The following SLC16A14 variants were observed in gnomAD, a reference collection of about 807,000 sequenced individuals.
SLC16A14 encodes monocarboxylate transporter 14.
A neutral mutation model predicts 35.8 loss-of-function variants in SLC16A14; 14 were observed. That is an observed-to-expected ratio of 0.39 (90% CI 0.26 to 0.61). The LOEUF is 0.61. SLC16A14 is among the 20% of genes least tolerant of loss of function. The probability of loss-of-function intolerance (pLI) is 0.51; values close to 1 mark genes in which losing one functional copy is unlikely to be tolerated. For missense variants in SLC16A14, 533 were observed against 655.0 expected, an observed-to-expected ratio of 0.81 and a Z score of 2.03; for synonymous variants, 248 against 258.9, an observed-to-expected ratio of 0.96 and a Z score of 0.40.
At chr2:230,049,721 A>C (rs768527133) in intron 3 of SLC16A14, 40 bp downstream of exon 3, 1 of 1,601,470 alleles carries the variant, frequency 6.2e-7, no homozygotes, top group Non-Finnish European at 8.5e-7. Context: ...ATGTCTTATA[A>C]AACATTTAAA....
chr2:230,049,096 G>A (rs946137894), intron 3 of SLC16A14, among the ~76,000 whole-genome samples: 1 of 138,912 alleles, frequency 7.2e-6, no homozygotes, highest in Admixed American at 7.1e-5. Flanking sequence ...TTGAGACAGA[G>A]TCTTACTCTG....
rs1188538259 is a variant in SLC16A14, at chr2:230,035,006, G to C, written c.*2374C>G. 6.6e-6 allele frequency: 1 copy of C among 152,142 alleles called. No homozygotes were observed. Among genetic ancestry groups the C allele is most frequent in the African/African-American group, 2.4e-5 (1 of 41,428 alleles). The allele number at this position is 152,142 out of a possible 1,614,324, so 9.4% of individuals were successfully genotyped here. On this transcript the variant is annotated 3_prime_UTR_variant, in exon 5 of 5. Transcript: ENST00000295190. The stretch of plus-strand genomic sequence containing the variant: ...CTTCAAAGAGGACAACATTTATTTA[G>C]TTGTATGTAAATAAAAATTACTTGG...
chr2:230,050,704 T>C (rs2077653409), intron 2 of SLC16A14, among the ~76,000 whole-genome samples: 1 of 152,256 alleles, frequency 6.6e-6, no homozygotes, highest in Non-Finnish European at 1.5e-5. Flanking sequence ...TAAGCTTATA[T>C]GTTTTACATA....
At chr2:230,057,830 C>G (rs957647677) in intron 2 of SLC16A14, among the ~76,000 whole-genome samples, 4 of 152,058 alleles carry the variant, frequency 2.6e-5, no homozygotes, top group African/African-American at 9.7e-5. Flanking sequence ...AGTTTAAGAC[C>G]AGCCTGGCCA....
At position 230,059,344 on chromosome 2, in the gene SLC16A14, G is replaced by A. The variant is rs953233502; in HGVS notation, c.9C>T (p.Thr3=). ...AATCATACCCAATATCTTCATGACT[G>A]GTATACATTTTCCAAGATTTTTCTG... is the stretch of plus-strand genomic sequence containing the variant. MY[T]SHEDIGYDFE... is the part of the protein sequence containing the mutation. The change falls in exon 2 of 5, where the codon ACC becomes ACT. Residue 3 remains threonine (T), a synonymous_variant. Transcript: ENST00000295190. 2 of 1,555,572 alleles carry A rather than the reference G, an allele frequency of 1.3e-6. No homozygotes were observed. The highest frequency in any genetic ancestry group is 2.8e-5 in the African/African-American group (2 of 72,400).
chr2:230,065,588 A>G lies in SLC16A14; in HGVS notation c.-15+2967T>C, dbSNP rs1426685362. On this transcript the variant is annotated intron_variant, in intron 1 of 4. Coordinates refer to ENST00000295190, the MANE Select transcript of SLC16A14 (RefSeq NM_152527.5). ...TCTTTTGGATCCTCAGGAGGCCCCT[A>G]TAGATCTGCTGAGCAATGGAGTCAG... is the stretch of plus-strand genomic sequence containing the variant. Among the ~76,000 whole-genome samples the G allele has an allele frequency of 2.6e-5, 4 of 152,144 alleles. 1 individual carries two copies. The highest frequency in any genetic ancestry group is 2.9e-5 in the Non-Finnish European group (2 of 68,030).
rs190196833 is a variant in SLC16A14 at position 230,040,154 on chromosome 2, G to A, written c.1382-2623C>T. ...CCATCCCATCCTTCATCTTTACTCT[G>A]CAGAATATAAAAAATGTCTGTTAAG... is the stretch of plus-strand genomic sequence containing the variant. On this transcript the variant is annotated intron_variant, in intron 4 of 4. Coordinates refer to ENST00000295190, the MANE Select transcript of SLC16A14 (RefSeq NM_152527.5). Among the ~76,000 whole-genome samples, 478 of 151,996 alleles carry A rather than the reference G, an allele frequency of 3.1e-3. 1 individual carries two copies. The highest frequency in any genetic ancestry group is 4.7e-3 in the Non-Finnish European group (319 of 67,996).
chr2:230,042,231 G>T (rs1271763264), intron 4 of SLC16A14, among the ~76,000 whole-genome samples: 1 of 152,168 alleles, frequency 6.6e-6, no homozygotes, highest in African/African-American at 2.4e-5. Flanking sequence ...TCCACCTCTG[G>T]GGAGGAACCT....
At chr2:230,049,401 C>A (rs2077638282) in intron 3 of SLC16A14, among the ~76,000 whole-genome samples, 1 of 152,118 alleles carries the variant, frequency 6.6e-6, no homozygotes, top group Admixed American at 6.6e-5. Flanking sequence ...TTATTTCCCA[C>A]ACCACACTGA....
intron 4 of SLC16A14, among the ~76,000 whole-genome samples, chr2:230,039,786 T>C (rs2077545538): frequency 6.6e-6 from 1 of 152,234 alleles, no homozygotes; most frequent in Non-Finnish European, 1.5e-5. Context: ...AACAAACAGC[T>C]GAACGGCTTG....
At chr2:230,040,207 T>G (rs1170900541) in intron 4 of SLC16A14, among the ~76,000 whole-genome samples, 4 of 146,744 alleles carry the variant, frequency 2.7e-5, no homozygotes, top group African/African-American at 1.0e-4. Context: ...CAGTCTTAAA[T>G]TGAATTCATT....
intron 2 of SLC16A14, among the ~76,000 whole-genome samples, chr2:230,053,748 T>C (rs1317955132): frequency 6.6e-6 from 1 of 152,104 alleles, no homozygotes; most frequent in African/African-American, 2.4e-5. Context: ...ACCACCGCAC[T>C]CCAGCCTGGG....
At chr2:230,062,348 CTTT>C (rs374870184) in intron 1 of SLC16A14, among the ~76,000 whole-genome samples, 5 of 127,664 alleles carry the variant, frequency 3.9e-5, no homozygotes, top group Admixed American at 8.3e-5. Flanking sequence ...TTGTTTTTAC[CTTT>C]TTTTTTTTTT....
chr2:230,038,959 C>T lies in SLC16A14; in HGVS notation c.1382-1428G>A, dbSNP rs748846696. Among the ~76,000 whole-genome samples, 5 of 151,980 alleles carry T rather than the reference C, an allele frequency of 3.3e-5. No individual in the cohort carries two copies. Among genetic ancestry groups the T allele is most frequent in the African/African-American group, 4.8e-5 (2 of 41,390 alleles). On this transcript the variant is annotated intron_variant, in intron 4 of 4. Transcript: ENST00000295190. The surrounding 1 kb of genome is among the most constrained non-coding windows in gnomAD (Gnocchi z 4.4). ...GATTTTATGATCAAACATAGTATTC[C>T]GTGGCCACTTTTCAGAAACATCTTT...
intron 4 of SLC16A14, among the ~76,000 whole-genome samples, chr2:230,043,237 C>T (rs1256014739): frequency 6.6e-6 from 1 of 152,190 alleles, no homozygotes; most frequent in Non-Finnish European, 1.5e-5. Flanking sequence ...CTATATGTAG[C>T]CCTGGGGATT....
intron 1 of SLC16A14, among the ~76,000 whole-genome samples, chr2:230,063,637 C>T (rs1048774450): frequency 1.3e-5 from 2 of 152,192 alleles, no homozygotes; most frequent in African/African-American, 2.4e-5. Flanking sequence ...GAGCCCTAGA[C>T]AGCTTTATTT....
At chr2:230,058,508 A>G (rs2077725360) in intron 2 of SLC16A14, among the ~76,000 whole-genome samples, 1 of 152,186 alleles carries the variant, frequency 6.6e-6, no homozygotes, top group African/African-American at 2.4e-5. Flanking sequence ...GGGAATGGGG[A>G]ATTCATGTTT....
intron 1 of SLC16A14, among the ~76,000 whole-genome samples, chr2:230,065,158 T>G (rs1303660082): frequency 6.6e-6 from 1 of 152,260 alleles, no homozygotes; most frequent in African/African-American, 2.4e-5. Flanking sequence ...CAAACTGCTC[T>G]TGATATTTCC....
intron 2 of SLC16A14, among the ~76,000 whole-genome samples, chr2:230,053,621 A>G (rs1197809495): frequency 6.6e-6 from 1 of 152,152 alleles, no homozygotes; most frequent in Non-Finnish European, 1.5e-5. Context: ...TTTCTACTAC[A>G]GCTACAAAAA....
Sources: allele counts gnomAD v4.1 joint callset (sites outside exome capture counted in the v4.1 genomes callset), GRCh38; gene constraint gnomAD v4.1.1; non-coding constraint Gnocchi (gnomAD v3.1); transcripts MANE v1.5; gene names NCBI Gene and HGNC (gene_info 2026-07-23, HGNC 2026-07-21).